The following EPHA1 variants were observed in gnomAD, a reference collection of about 807,000 sequenced individuals.
EPHA1 encodes the protein EPH receptor A1.
EPHA1 carries 92 observed loss-of-function variants against 110.1 expected under a neutral mutation model. The observed-to-expected ratio is 0.84, with a 90% confidence interval of 0.71 to 0.99. EPHA1 has a LOEUF of 0.99. Ranked by LOEUF, EPHA1 falls within the 50% of genes least tolerant of loss-of-function variation. The pLI, the probability that EPHA1 is intolerant of heterozygous loss-of-function variation, is 0.00. For synonymous variants in EPHA1, 500 were observed against 516.1 expected (o/e 0.97, Z 0.42); for missense variants, 1,204 against 1,285.4 (o/e 0.94, Z 0.97).
In EPHA1 at chr7:143,398,020, C is replaced by T. The variant is rs1805308252; in HGVS notation, c.1515G>A (p.Glu505=). Residue 505 remains glutamate, a synonymous_variant, in exon 8 of 18, where the codon GAG becomes GAA. Transcript: ENST00000275815. The part of the protein sequence containing the change: ...MVLEPRVLLT[E]LQPDTTYIVR... ...CGATGTATGTGGTGTCAGGCTGCAGCTCTGTCAGCAAGACCCTGGGTTCTA... is the reference window on the plus strand; with the variant it reads ...CGATGTATGTGGTGTCAGGCTGCAGTTCTGTCAGCAAGACCCTGGGTTCTA... 1 of 1,614,142 alleles carries T rather than the reference C, an allele frequency of 6.2e-7. No homozygotes were observed. The highest frequency in any genetic ancestry group is 1.3e-5 in the African/African-American group (1 of 75,024).
Position 143,398,959 on chromosome 7 carries a change from G to T in EPHA1, c.992-14C>A. ...CCGAGGGGGGACCTGTGGGAGAAGAGGAGCCATCAGTAGAAGCCGACCTCG... is the reference window on the plus strand; with the variant it reads ...CCGAGGGGGGACCTGTGGGAGAAGATGAGCCATCAGTAGAAGCCGACCTCG... On this transcript the variant is annotated splice_polypyrimidine_tract_variant and intron_variant, in intron 5 of 17. Transcript: ENST00000275815. The T allele has an allele frequency of 6.3e-7, 1 of 1,579,314 alleles. No homozygotes were observed. The highest frequency in any genetic ancestry group is 1.2e-5 in the South Asian group (1 of 86,470).
At chr7:143,405,840 G>A (rs369175552) in intron 2 of EPHA1, among the ~76,000 whole-genome samples, 1 of 152,130 alleles carries the variant, frequency 6.6e-6, no homozygotes, top group Non-Finnish European at 1.5e-5. Flanking sequence ...AGGACCCAGA[G>A]GGAAAGAAAG....
rs936224269 is a variant in EPHA1 at position 143,408,775 on chromosome 7, G to A, written c.31C>T (p.Leu11=). Residue 11 remains leucine (L), a synonymous_variant, in exon 1 of 18, where the codon CTG becomes TTG. Transcript: ENST00000275815. MERRWPLGLG[L]VLLLCAPLPP... ...AGCGGGGCGCAGAGCAGCAGCACCAGCCCTAGCCCCAGGGGCCAGCGCCGC... is the reference window on the plus strand; with the variant it reads ...AGCGGGGCGCAGAGCAGCAGCACCAACCCTAGCCCCAGGGGCCAGCGCCGC... 3.2e-5 allele frequency: 39 copies of A among 1,202,382 alleles called. No homozygotes were observed. Among genetic ancestry groups the A allele is most frequent in the Non-Finnish European group, 3.9e-5 (38 of 962,900 alleles). The allele number at this position is 1,202,382 out of a possible 1,614,324, so 74.5% of individuals were successfully genotyped here. A position where few individuals can be genotyped will look rare whatever the true frequency, so the allele number is the denominator to read the frequency against.
chr7:143,401,688 C>T lies in EPHA1; in HGVS notation c.151-83G>A. 6.5e-7 allele frequency: 1 copy of T among 1,527,894 alleles called. No homozygotes were observed. Among genetic ancestry groups the T allele is most frequent in the Non-Finnish European group, 8.9e-7 (1 of 1,124,310 alleles). The allele number at this position is 1,527,894 out of a possible 1,614,324, so 94.6% of individuals were successfully genotyped here. ...GTTTTTAGAGCTGATGGAGAAGCAGCTGTGTCAGAGCCCCTCAGGTTTATG... is the reference window on the plus strand; with the variant it reads ...GTTTTTAGAGCTGATGGAGAAGCAGTTGTGTCAGAGCCCCTCAGGTTTATG... On this transcript the variant is annotated intron_variant, in intron 2 of 17. Coordinates refer to ENST00000275815, the MANE Select transcript of EPHA1 (RefSeq NM_005232.5). This position sits in a 1 kb window ranked among gnomAD's most constrained non-coding sequence, Gnocchi z 4.1.
intron 2 of EPHA1, among the ~76,000 whole-genome samples, chr7:143,404,507 G>A (rs1176776860): frequency 3.3e-5 from 5 of 152,056 alleles, no homozygotes; most frequent in Non-Finnish European, 5.9e-5. Flanking sequence ...GTGAGCCACC[G>A]CGCGTGGCTA....
intron 10 of EPHA1, 162 bp from the exon 11 acceptor site, chr7:143,396,672 T>A: frequency 1.3e-6 from 1 of 762,938 alleles, no homozygotes; most frequent in Non-Finnish European, 2.0e-6. Context: ...ATTTAGCAAC[T>A]AGGCCTTTCT....
Position 143,399,262 on chromosome 7 carries a change from G to C in EPHA1, c.987C>G (p.Cys329Trp). 1 of 1,611,498 alleles carries C rather than the reference G, an allele frequency of 6.2e-7. No homozygotes were observed. Reference protein sequence around the residue: ...RAPGEGPQVACTGPPSAPRNL... With the variant: ...RAPGEGPQVAWTGPPSAPRNL... ...CGCCCCACCCCCTGGACTCACCTGTGCATGCCACCTGGGGGCCCTCCCCGG... is the reference window on the plus strand; with the variant it reads ...CGCCCCACCCCCTGGACTCACCTGTCCATGCCACCTGGGGGCCCTCCCCGG... Residue 329 changes from cysteine to tryptophan, a missense_variant, in exon 5 of 18, where the codon TGC (cysteine) becomes TGG (tryptophan). By Grantham distance (215) the Cys-to-Trp change is radical (BLOSUM62 -2). Coordinates refer to ENST00000275815, the MANE Select transcript of EPHA1 (RefSeq NM_005232.5).
chr7:143,395,563 G>C lies in EPHA1; in HGVS notation c.1898-59C>G. 3.8e-6 allele frequency: 6 copies of C among 1,564,344 alleles called. No individual in the cohort carries two copies. The highest frequency in any genetic ancestry group is 5.2e-6 in the Non-Finnish European group (6 of 1,144,548). On this transcript the variant is annotated intron_variant, in intron 11 of 17. Transcript: ENST00000275815. The surrounding 1 kb of genome is among the most constrained non-coding windows in gnomAD (Gnocchi z 4.7). Reference sequence around the variant, plus strand: ...CACTGCAGGGCTCCTCCAGGGGACAGGCAGCAACCCCTCCAGTCCTCCGGC... The same window carrying C: ...CACTGCAGGGCTCCTCCAGGGGACACGCAGCAACCCCTCCAGTCCTCCGGC...
Position 143,404,218 on chromosome 7 carries a change from CTT to C in EPHA1, c.151-2615_151-2614del, listed in dbSNP as rs11296361. ...TTTTGTGTATAATGGAGAGATATAT[CTT>C]TTTTTTTTTTTTATGAGACAGAGTC... On this transcript the variant is annotated intron_variant, in intron 2 of 17. Transcript: ENST00000275815. Among the ~76,000 whole-genome samples the C allele has an allele frequency of 1.8e-3, 259 of 145,978 alleles. 2 individuals are homozygous for C. Among genetic ancestry groups the C allele is most frequent in the South Asian group, 7.6e-3 (35 of 4,596 alleles).
At chr7:143,407,774 A>T in intron 1 of EPHA1, 96 bp from the exon 2 acceptor site, 1 of 1,124,484 alleles carries the variant, frequency 8.9e-7, no homozygotes, top group Non-Finnish European at 1.3e-6. Flanking sequence ...CCAGGCTGCA[A>T]CATCCTGTTC....
Position 143,396,857 on chromosome 7 carries a change from G to A in EPHA1, c.1772-347C>T, listed in dbSNP as rs562556322. ...CGTTCACATTCCCAGACAGAGCCGC[G>A]CATGGCTCCCACCCCAGCTGCCCGG... On this transcript the variant is annotated intron_variant, in intron 10 of 17. Transcript: ENST00000275815. Among the ~76,000 whole-genome samples the A allele has an allele frequency of 1.6e-3, 245 of 152,218 alleles. 2 individuals are homozygous for A. Among genetic ancestry groups the A allele is most frequent in the African/African-American group, 5.7e-3 (238 of 41,522 alleles).
chr7:143,396,645 G>T, intron 10 of EPHA1, 135 bp from the exon 11 acceptor site: 1 of 1,110,806 alleles, frequency 9.0e-7, no homozygotes, highest in South Asian at 1.6e-5. Flanking sequence ...TTTGGGCTGA[G>T]GTGGGAGAAA....
Position 143,398,457 on chromosome 7 carries a change from C to T in EPHA1, c.1337-9G>A, listed in dbSNP as rs1805321291. ...CAGGCCTGACAGTGACTCTGGGGGT[C>T]CAGAGGGATAAGGTTGGATATGTAA... is the stretch of plus-strand genomic sequence containing the variant. On this transcript the variant is annotated splice_polypyrimidine_tract_variant and intron_variant, in intron 6 of 17. Coordinates refer to ENST00000275815, the MANE Select transcript of EPHA1 (RefSeq NM_005232.5). The T allele has an allele frequency of 6.2e-7, 1 of 1,613,888 alleles. No homozygotes were observed. Among genetic ancestry groups the T allele is most frequent in the African/African-American group, 1.3e-5 (1 of 74,882 alleles).
intron 9 of EPHA1, 93 bp from the exon 10 acceptor site, chr7:143,397,455 G>T: frequency 6.3e-7 from 1 of 1,589,060 alleles, no homozygotes; most frequent in Non-Finnish European, 8.6e-7. Flanking sequence ...AACGGGCTGG[G>T]AGTGCAGGAT....
chr7:143,395,998 T>C lies in EPHA1; in HGVS notation c.1897+387A>G, dbSNP rs1307130841. Among the ~76,000 whole-genome samples the C allele has an allele frequency of 6.6e-6, 1 of 152,208 alleles. No individual in the cohort carries two copies. The highest frequency in any genetic ancestry group is 1.5e-5 in the Non-Finnish European group (1 of 68,026). ...AGGGAACAGGGCAGCCCAAGGACACTGGGCCTCTGATGGGGTGGAATGCCA... is the reference window on the plus strand; with the variant it reads ...AGGGAACAGGGCAGCCCAAGGACACCGGGCCTCTGATGGGGTGGAATGCCA... On this transcript the variant is annotated intron_variant, in intron 11 of 17. Coordinates refer to ENST00000275815, the MANE Select transcript of EPHA1 (RefSeq NM_005232.5). The surrounding 1 kb of genome is among the most constrained non-coding windows in gnomAD (Gnocchi z 4.7).
At position 143,407,687 on chromosome 7, in the gene EPHA1, G is replaced by A. The variant is rs147095260; in HGVS notation, c.83-9C>T. On this transcript the variant is annotated splice_polypyrimidine_tract_variant and intron_variant, in intron 1 of 17. Coordinates refer to ENST00000275815, the MANE Select transcript of EPHA1 (RefSeq NM_005232.5). Reference sequence around the variant, plus strand: ...TGTGTCCATCAGAGTAACTGAAAGTGGGGAGAAAAGAAGTCTGTCACCTCT... The same window carrying A: ...TGTGTCCATCAGAGTAACTGAAAGTAGGGAGAAAAGAAGTCTGTCACCTCT... 5 of 1,612,678 alleles carry A rather than the reference G, an allele frequency of 3.1e-6. No individual in the cohort carries two copies. Among genetic ancestry groups the A allele is most frequent in the Non-Finnish European group, 4.2e-6 (5 of 1,179,314 alleles).
Position 143,399,804 on chromosome 7 carries a change from C to A in EPHA1, c.682G>T (p.Ala228Ser), listed in dbSNP as rs1409728916. The A allele has an allele frequency of 1.2e-6, 2 of 1,611,954 alleles. No homozygotes were observed. Among genetic ancestry groups the A allele is most frequent in the Non-Finnish European group, 8.5e-7 (1 of 1,179,010 alleles). ...LPGPAGLVEV[A>S]GTCLPHARAS... ...CGCGCGTGGGGCAAGCAGGTCCCCG[C>A]CACTTCCACCAACCCAGCGGGGCCA... Residue 228 changes from alanine to serine, a missense_variant, in exon 4 of 18, where the codon GCG becomes TCG. By Grantham distance (99) the Ala-to-Ser change is moderately conservative. Transcript: ENST00000275815.
rs776947009 is a variant in EPHA1, at chr7:143,397,567, C to T, written c.1706G>A (p.Arg569Gln). 46 of 1,613,962 alleles carry T rather than the reference C, an allele frequency of 2.9e-5. 1 individual carries two copies. The highest frequency in any genetic ancestry group is 3.3e-4 in the Middle Eastern group (2 of 6,082). The change falls in exon 9 of 18, where the codon CGG (arginine) becomes CAG (glutamine). Residue 569 changes from arginine (R) to glutamine (Q), a missense_variant. Arg to Gln is a conservative substitution (Grantham distance 43, BLOSUM62 1). Coordinates refer to ENST00000275815, the MANE Select transcript of EPHA1 (RefSeq NM_005232.5). ...AALLLGILVF[R>Q]SRRAQRQRQQ... ...AGGGGGCAGGAGCTGGCACCTGGAC[C>T]GGAAAACGAGAATCCCAAGCAGCAA...
intron 7 of EPHA1, 54 bp downstream of exon 7, chr7:143,398,267 T>A (rs759647379): frequency 4.5e-5 from 72 of 1,607,682 alleles, no homozygotes; most frequent in Admixed American, 1.7e-4. Flanking sequence ...GCTAGGAATG[T>A]TGGGGTGTGC....
Sources: allele counts gnomAD v4.1 joint callset (sites outside exome capture counted in the v4.1 genomes callset), GRCh38; gene constraint gnomAD v4.1.1; non-coding constraint Gnocchi (gnomAD v3.1); transcripts MANE v1.5; gene names NCBI Gene and HGNC (gene_info 2026-07-23, HGNC 2026-07-21).